GRINA: variants seen among roughly 807,000 people sequenced by gnomAD.
The protein encoded by GRINA is glutamate ionotropic receptor NMDA type subunit associated protein 1.
A neutral mutation model predicts 42.5 loss-of-function variants in GRINA; 26 were observed. The observed-to-expected ratio is 0.61, with a 90% CI of 0.45 to 0.85. GRINA has a LOEUF of 0.85. GRINA is among the 40% of genes least tolerant of loss of function. The pLI, the probability that GRINA is intolerant of heterozygous loss-of-function variation, is 0.00. For synonymous variants in GRINA, 256 were observed against 204.2 expected, an observed-to-expected ratio of 1.25 and a Z score of -2.17; for missense variants, 475 against 481.5, an observed-to-expected ratio of 0.99 and a Z score of 0.13.
chr8:143,991,830 T>TC (rs1834102953), intron 3 of GRINA, 26 bp downstream of exon 3: 14 of 1,607,484 alleles, frequency 8.7e-6, no homozygotes, highest in Non-Finnish European at 1.2e-5. Context: ...TCCAAGGCGG[T>TC]GGGGGCTGTG....
Position 143,991,616 on chromosome 8 carries a change from A to C in GRINA, c.379+14A>C. On this transcript the variant is annotated intron_variant, in intron 2 of 6. Coordinates refer to ENST00000395068, the MANE Select transcript of GRINA (RefSeq NM_001009184.2). ...AAGACCCTGACTGTGAGTCTCAGGAAGGGAGGGGTGGGGTGGCCGGGAGGG... is the reference window on the plus strand; with the variant it reads ...AAGACCCTGACTGTGAGTCTCAGGACGGGAGGGGTGGGGTGGCCGGGAGGG... 6.5e-7 allele frequency: 1 copy of C among 1,536,878 alleles called. No individual in the cohort carries two copies. Among genetic ancestry groups the C allele is most frequent in the Non-Finnish European group, 9.0e-7 (1 of 1,116,708 alleles).
intron 5 of GRINA, 31 bp downstream of exon 5, chr8:143,992,404 C>T (rs377212535): frequency 2.3e-4 from 364 of 1,611,290 alleles, no homozygotes; most frequent in Non-Finnish European, 2.9e-4. Context: ...GGGCTGTGGC[C>T]GCAGGGGCTG....
At chr8:143,991,634 CG>C in intron 2 of GRINA, 32 bp downstream of exon 2, 1 of 1,557,502 alleles carries the variant, frequency 6.4e-7, no homozygotes, top group South Asian at 1.1e-5. Flanking sequence ...GTGGGGTGGC[CG>C]GGAGGGCAGG....
At position 143,991,912 on chromosome 8, in the gene GRINA, C is replaced by T; in HGVS notation, c.527C>T (p.Thr176Ile). Residue 176 changes from threonine (T) to isoleucine (I), a missense_variant, in exon 4 of 7, where the codon ACC (threonine) becomes ATC (isoleucine). Thr to Ile is a moderately conservative substitution (Grantham distance 89). Transcript: ENST00000395068. ...GTGCTGACCTTGCAGCTGTCGGTGA[C>T]CCTGTCCACGGTGTCTGTGTTCACT... is the stretch of plus-strand genomic sequence containing the variant. Reference protein sequence around the residue: ...FLVLTLQLSVTLSTVSVFTFV... With the variant: ...FLVLTLQLSVILSTVSVFTFV... 1 of 1,612,940 alleles carries T rather than the reference C, an allele frequency of 6.2e-7. No homozygotes were observed. The highest frequency in any genetic ancestry group is 8.5e-7 in the Non-Finnish European group (1 of 1,179,346).
At position 143,992,920 on chromosome 8, in the gene GRINA, A is replaced by G. The variant is rs149902274; in HGVS notation, c.*79A>G. ...CCCCTGGCACGGCAGTGCCAGCTGT[A>G]CTTCCCCTCTCTCTTGTCCCCAGGC... is the stretch of plus-strand genomic sequence containing the variant. On this transcript the variant is annotated 3_prime_UTR_variant, in exon 7 of 7. Transcript: ENST00000395068. 970 of 1,242,722 alleles carry G rather than the reference A, an allele frequency of 7.8e-4. 5 individuals are homozygous for G. The African/African-American group carries it at 0.012, about 15-fold the overall frequency. The allele number at this position is 1,242,722 out of a possible 1,614,324, so 77.0% of individuals were successfully genotyped here.
Position 143,991,423 on chromosome 8 carries a change from G to T in GRINA, c.200G>T (p.Gly67Val). The T allele has an allele frequency of 7.1e-7, 1 of 1,411,142 alleles. No individual in the cohort carries two copies. Among genetic ancestry groups the T allele is most frequent in the Non-Finnish European group, 9.4e-7 (1 of 1,062,250 alleles). 87.4% of individuals were successfully genotyped at this position (1,411,142 alleles called of 1,614,324 possible). A position where few individuals can be genotyped will look rare whatever the true frequency, so the allele number is the denominator to read the frequency against. The change falls in exon 2 of 7, where the codon GGG becomes GTG. Residue 67 changes from glycine to valine, a missense_variant. By Grantham distance (109) the Gly-to-Val change is moderately radical (BLOSUM62 -3). Around this residue, in one of 2 missense-constraint regions of GRINA, gnomAD observed 321 missense variants for 267.2 expected, o/e 1.20. Coordinates refer to ENST00000395068, the MANE Select transcript of GRINA (RefSeq NM_001009184.2). Reference sequence around the variant, plus strand: ...CATGGCCCCAGCCCCTACCCCCAAGGGGGCTACCCACAGGGTCCCTACCCC... The same window carrying T: ...CATGGCCCCAGCCCCTACCCCCAAGTGGGCTACCCACAGGGTCCCTACCCC... ...YPHGPSPYPQ[G>V]GYPQGPYPQG...
chr8:143,992,776 C>T lies in GRINA; in HGVS notation c.1051C>T (p.Leu351=). 1 of 1,613,834 alleles carries T rather than the reference C, an allele frequency of 6.2e-7. No homozygotes were observed. The highest frequency in any genetic ancestry group is 8.5e-7 in the Non-Finnish European group (1 of 1,179,820). The change falls in exon 7 of 7, where the codon CTG becomes TTG. Residue 351 remains leucine (L), a synonymous_variant. Coordinates refer to ENST00000395068, the MANE Select transcript of GRINA (RefSeq NM_001009184.2). The stretch of plus-strand genomic sequence containing the variant: ...AGAGTATGTGTTTGCTGCGCTGAAC[C>T]TGTACACAGACATCATCAACATCTT... ...PEEYVFAALN[L]YTDIINIFLY...
Position 143,991,360 on chromosome 8 carries a change from C to G in GRINA, c.137C>G (p.Pro46Arg). Reference sequence around the variant, plus strand: ...CCTGGGGCCCCTTACCCACAGCCCCCTTTCCAGCCCTCCCCCTACGGTCAG... The same window carrying G: ...CCTGGGGCCCCTTACCCACAGCCCCGTTTCCAGCCCTCCCCCTACGGTCAG... ...PYPGAPYPQP[P>R]FQPSPYGQPG... Residue 46 changes from proline (P) to arginine (R), a missense_variant, in exon 2 of 7, where the codon CCT becomes CGT. Pro to Arg is a moderately radical substitution (Grantham distance 103). This residue lies in a region of GRINA where 321 missense variants were observed against 267.2 expected (regional missense o/e 1.20). Coordinates refer to ENST00000395068, the MANE Select transcript of GRINA (RefSeq NM_001009184.2). 8.0e-7 allele frequency: 1 copy of G among 1,254,632 alleles called. No individual in the cohort carries two copies. The highest frequency in any genetic ancestry group is 1.1e-6 in the Non-Finnish European group (1 of 903,858). The allele number at this position is 1,254,632 out of a possible 1,614,324, so 77.7% of individuals were successfully genotyped here.
intron 3 of GRINA, 27 bp from the exon 4 acceptor site, chr8:143,991,851 G>T: frequency 1.2e-6 from 2 of 1,610,080 alleles, no homozygotes; most frequent in Non-Finnish European, 1.7e-6. Flanking sequence ...GCTCCCAGCG[G>T]ATGACTCTGA....
At position 143,992,495 on chromosome 8, in the gene GRINA, G is replaced by A. The variant is rs376323488; in HGVS notation, c.853G>A (p.Val285Met). Residue 285 changes from valine to methionine, a missense_variant, in exon 6 of 7, where the codon GTG becomes ATG. Val to Met is a conservative substitution (Grantham distance 21). Around this residue, in one of 2 missense-constraint regions of GRINA, gnomAD observed 154 missense variants for 214.2 expected, o/e 0.72. Transcript: ENST00000395068. ...TRYDFTSCMGVLLVSMVVLFI... is the reference protein window; with the variant it reads ...TRYDFTSCMGMLLVSMVVLFI... ...CTACGACTTCACCTCATGCATGGGC[G>A]TGCTCCTGGTGAGCATGGTGGTGCT... is the stretch of plus-strand genomic sequence containing the variant. 1.3e-5 allele frequency: 21 copies of A among 1,614,116 alleles called. No homozygotes were observed. The East Asian group carries it at 2.2e-4, about 17-fold the overall frequency.
intron 6 of GRINA, 41 bp downstream of exon 6, chr8:143,992,649 C>G: frequency 6.2e-7 from 1 of 1,613,920 alleles, no homozygotes. Flanking sequence ...GGATGCTGGG[C>G]AGGCAGGCTT....
Position 143,992,760 on chromosome 8 carries a change from G to A in GRINA, c.1035G>A (p.Val345=), listed in dbSNP as rs1283969968. 6.2e-7 allele frequency: 1 copy of A among 1,613,996 alleles called. No individual in the cohort carries two copies. Among genetic ancestry groups the A allele is most frequent in the South Asian group, 1.1e-5 (1 of 91,088 alleles). The part of the protein sequence containing the change: ...KQLSLSPEEY[V]FAALNLYTDI... ...TGTCCCTGAGCCCAGAAGAGTATGT[G>A]TTTGCTGCGCTGAACCTGTACACAG... The change falls in exon 7 of 7, where the codon GTG becomes GTA. Residue 345 remains valine (V), a synonymous_variant. Transcript: ENST00000395068.
Position 143,991,242 on chromosome 8 carries a change from T to G in GRINA, c.19T>G (p.Phe7Val). 1 of 1,577,382 alleles carries G rather than the reference T, an allele frequency of 6.3e-7. No individual in the cohort carries two copies. Among genetic ancestry groups the G allele is most frequent in the Non-Finnish European group, 8.6e-7 (1 of 1,162,070 alleles). MSHEKS[F>V]LVSGDNYPPP... is the part of the protein sequence containing the mutation. ...CGAGGCCATGTCCCATGAAAAGAGT[T>G]TTTTGGTGTCTGGGGACAACTATCC... The change falls in exon 2 of 7, where the codon TTT (phenylalanine) becomes GTT (valine). Residue 7 changes from phenylalanine (F) to valine (V), a missense_variant. Physicochemically the swap from Phe to Val is conservative, Grantham distance 50. Transcript: ENST00000395068.
At position 143,992,340 on chromosome 8, in the gene GRINA, C is replaced by T. The variant is rs758183476; in HGVS notation, c.789C>T (p.Ala263=). ...TCATGGCCGTGGGCATCACCACAGCCGTCTGCTTCACCGTCGTCATCTTCT... is the reference window on the plus strand; with the variant it reads ...TCATGGCCGTGGGCATCACCACAGCTGTCTGCTTCACCGTCGTCATCTTCT... ...AVIMAVGITT[A]VCFTVVIFSM... Residue 263 remains alanine, a synonymous_variant, in exon 5 of 7, where the codon GCC becomes GCT. Transcript: ENST00000395068. The T allele has an allele frequency of 2.2e-5, 35 of 1,591,196 alleles. No homozygotes were observed. The Admixed American group carries it at 3.2e-4, about 15-fold the overall frequency.
rs781929354 is a variant in GRINA at position 143,991,589 on chromosome 8, A to G, written c.366A>G (p.Gly122=). The part of the protein sequence containing the change: ...NPYGQPQVFP[G]QDPDSPQHGN... ...ATGGACAGCCACAGGTCTTCCCAGG[A>G]CAAGACCCTGACTGTGAGTCTCAGG... is the stretch of plus-strand genomic sequence containing the variant. The change falls in exon 2 of 7, where the codon GGA becomes GGG. Residue 122 remains glycine, a synonymous_variant. Coordinates refer to ENST00000395068, the MANE Select transcript of GRINA (RefSeq NM_001009184.2). 8.1e-6 allele frequency: 13 copies of G among 1,598,740 alleles called. No individual in the cohort carries two copies. Among genetic ancestry groups the G allele is most frequent in the Non-Finnish European group, 1.1e-5 (13 of 1,169,044 alleles).
At position 143,991,553 on chromosome 8, in the gene GRINA, C is replaced by G. The variant is rs782477140; in HGVS notation, c.330C>G (p.Pro110=). The G allele has an allele frequency of 2.1e-5, 33 of 1,580,318 alleles. No individual in the cohort carries two copies. Among genetic ancestry groups the G allele is most frequent in the Non-Finnish European group, 2.5e-5 (29 of 1,156,176 alleles). ...PQGPYPQSPF[P]PNPYGQPQVF... ...GGCCATATCCCCAGAGCCCCTTCCC[C>G]CCCAACCCCTATGGACAGCCACAGG... The change falls in exon 2 of 7, where the codon CCC becomes CCG. Residue 110 remains proline (P), a synonymous_variant. Transcript: ENST00000395068.
chr8:143,990,410 G>T lies in GRINA; in HGVS notation c.-25+211G>T. The T allele has an allele frequency of 6.6e-6, 1 of 151,810 alleles. No homozygotes were observed. Among genetic ancestry groups the T allele is most frequent in the South Asian group, 2.0e-4 (1 of 5,002 alleles). 9.4% of individuals were successfully genotyped at this position (151,810 alleles called of 1,614,324 possible). A position where few individuals can be genotyped will look rare whatever the true frequency, so the allele number is the denominator to read the frequency against. Reference sequence around the variant, plus strand: ...CCGCGGCGGCCTGGAGCCGGAGGGAGGGGGCGGCGCGCTGCGGCGACTGCT... The same window carrying T: ...CCGCGGCGGCCTGGAGCCGGAGGGATGGGGCGGCGCGCTGCGGCGACTGCT... On this transcript the variant is annotated intron_variant, in intron 1 of 6. Transcript: ENST00000395068. This position sits in a 1 kb window ranked among gnomAD's most constrained non-coding sequence, Gnocchi z 5.6.
At position 143,992,247 on chromosome 8, in the gene GRINA, G is replaced by T; in HGVS notation, c.696G>T (p.Ser232=). ...RKHPWNLVAL[S]VLTASLSYMV... is the part of the protein sequence containing the mutation. ...CAGCCTGTGTCTCCCAACTGCAGTC[G>T]GTCCTGACCGCCAGCCTGTCGTACA... Residue 232 remains serine, a splice_region_variant and synonymous_variant, in exon 5 of 7, where the codon TCG becomes TCT. Transcript: ENST00000395068. 6.2e-7 allele frequency: 1 copy of T among 1,603,084 alleles called. No individual in the cohort carries two copies. Among genetic ancestry groups the T allele is most frequent in the Non-Finnish European group, 8.5e-7 (1 of 1,173,724 alleles).
In GRINA at chr8:143,991,478, A is replaced by C. The variant is rs1350749102; in HGVS notation, c.255A>C (p.Pro85=). The C allele has an allele frequency of 2.0e-6, 3 of 1,508,354 alleles. No individual in the cohort carries two copies. The highest frequency in any genetic ancestry group is 2.6e-5 in the South Asian group (2 of 78,266). 93.4% of individuals were successfully genotyped at this position (1,508,354 alleles called of 1,614,324 possible). The part of the protein sequence containing the change: ...PQGGYPQGPY[P]QEGYPQGPYP... Reference sequence around the variant, plus strand: ...GGGGCTACCCACAGGGCCCCTACCCACAAGAGGGCTACCCACAGGGCCCCT... The same window carrying C: ...GGGGCTACCCACAGGGCCCCTACCCCCAAGAGGGCTACCCACAGGGCCCCT... Residue 85 remains proline, a synonymous_variant, in exon 2 of 7, where the codon CCA becomes CCC. Transcript: ENST00000395068.
Sources: gnomAD v4.1 joint callset for allele counts on GRCh38, gnomAD v4.1.1 for gene constraint, gnomAD v4.1.1 regional missense constraint, Gnocchi (gnomAD v3.1) non-coding constraint, MANE v1.5 for transcripts, NCBI Gene and HGNC (gene_info 2026-07-23, HGNC 2026-07-21) for gene names.